Variants in PTPRD observed in about 807,000 individuals in gnomAD.
PTPRD encodes receptor-type tyrosine-protein phosphatase delta.
In PTPRD, 34 loss-of-function variants were observed where a neutral mutation model predicts 214.5. The observed-to-expected ratio is 0.16, with a 90% confidence interval of 0.12 to 0.21. PTPRD has a LOEUF of 0.21. Among genes scored for constraint, PTPRD ranks in the 10% least tolerant of loss-of-function variants. The probability of loss-of-function intolerance (pLI) is 1.00; values close to 1 mark genes in which losing one functional copy is unlikely to be tolerated. For synonymous variants in PTPRD, 1,128 were observed against 845.7 expected, an observed-to-expected ratio of 1.33 and a Z score of -5.79; for missense variants, 2,545 against 2,398.7, an observed-to-expected ratio of 1.06 and a Z score of -1.27.
rs202022277 is a variant in PTPRD, at chr9:8,873,516, AT to A, written c.-103-139571del. ...TCAATTATAAATATGTGTTAACTTT[AT>A]TTTTTTTTAACCAAGTTCCCTAAGA... On this transcript the variant is annotated intron_variant, in intron 11 of 45. Transcript: ENST00000381196. Among the ~76,000 whole-genome samples the A allele has an allele frequency of 7.2e-3, 1,090 of 151,420 alleles. 12 individuals are homozygous for A. Among genetic ancestry groups the A allele is most frequent in the African/African-American group, 0.024 (1,012 of 41,330 alleles).
At chr9:8,557,003 TC>T (rs1252602735) in intron 14 of PTPRD, among the ~76,000 whole-genome samples, 1 of 152,190 alleles carries the variant, frequency 6.6e-6, no homozygotes, top group African/African-American at 2.4e-5. Context: ...ATTGGTTGTT[TC>T]ATATCAGCAC....
At position 9,515,780 on chromosome 9, in the gene PTPRD, G is replaced by C. The variant is rs1356388664; in HGVS notation, c.-237+58952C>G. On this transcript the variant is annotated intron_variant, in intron 8 of 45. Coordinates refer to ENST00000381196, the MANE Select transcript of PTPRD (RefSeq NM_002839.4). ...AAAAAGTTTGATGTTCTTAAGTATG[G>C]TGAGATAAAGGTGACTTTTTTCCTT... 3.9e-5 allele frequency among the ~76,000 whole-genome samples: 6 copies of C among 151,972 alleles called. 1 individual carries two copies. Among genetic ancestry groups the C allele is most frequent in the Non-Finnish European group, 8.8e-5 (6 of 67,964 alleles).
intron 9 of PTPRD, among the ~76,000 whole-genome samples, chr9:9,367,525 T>C (rs2058207569): frequency 1.3e-5 from 2 of 151,628 alleles, no homozygotes; most frequent in South Asian, 4.1e-4. Context: ...TTTGGATGTT[T>C]TTCCAGGTAC....
chr9:8,408,121 G>A (rs1043778247), intron 35 of PTPRD, among the ~76,000 whole-genome samples: 1 of 152,142 alleles, frequency 6.6e-6, no homozygotes, highest in Non-Finnish European at 1.5e-5. Flanking sequence ...TCTTAAGGAA[G>A]AGTGAGATGG....
rs140301738 is a variant in PTPRD, at chr9:9,771,342, A to T, written c.-367-4491T>A. Among the ~76,000 whole-genome samples the T allele has an allele frequency of 3.5e-4, 54 of 152,314 alleles. 1 individual carries two copies. The highest frequency in any genetic ancestry group is 3.5e-3 in the Admixed American group (53 of 15,306). On this transcript the variant is annotated intron_variant, in intron 5 of 45. Transcript: ENST00000381196. ...TATATATAAGCTGCATTTAAAAAAC[A>T]TATTTCCAAACCTAATTCATATTCT...
intron 12 of PTPRD, among the ~76,000 whole-genome samples, chr9:8,637,985 G>A (rs543857830): frequency 2.6e-5 from 4 of 152,142 alleles, no homozygotes; most frequent in South Asian, 2.1e-4. Context: ...ATGGTGTTCA[G>A]GAGGAGGCAT....
At chr9:9,384,606 G>A (rs1433938768) in intron 9 of PTPRD, among the ~76,000 whole-genome samples, 1 of 151,622 alleles carries the variant, frequency 6.6e-6, no homozygotes, top group South Asian at 2.1e-4. Context: ...TAAATAAGGA[G>A]ATTCCTTGAC....
At chr9:8,707,163 T>G (rs2098227438) in intron 12 of PTPRD, among the ~76,000 whole-genome samples, 3 of 152,212 alleles carry the variant, frequency 2.0e-5, no homozygotes. Context: ...TATGTCTTTG[T>G]TGCAGCAATA....
intron 11 of PTPRD, among the ~76,000 whole-genome samples, chr9:8,925,533 C>A (rs28417601): frequency 0.38 from 57,101 of 149,166 alleles, 12,526 homozygotes; most frequent in African/African-American, 0.59. Flanking sequence ...ACAAAAAAAA[C>A]CAACTACAAG....
chr9:9,824,926 G>C (rs1008432474), intron 5 of PTPRD, among the ~76,000 whole-genome samples: 2 of 151,942 alleles, frequency 1.3e-5, no homozygotes, highest in Non-Finnish European at 2.9e-5. Flanking sequence ...TATAAAGTGG[G>C]CTCTGGTACC....
chr9:10,091,531 T>C (rs1282744493), intron 3 of PTPRD, among the ~76,000 whole-genome samples: 1 of 151,564 alleles, frequency 6.6e-6, no homozygotes, highest in Non-Finnish European at 1.5e-5. Context: ...TAAATATTTG[T>C]TCCTTTGGAT....
intron 3 of PTPRD, among the ~76,000 whole-genome samples, chr9:10,330,066 GCT>G (rs1491329841): frequency 1.3e-5 from 2 of 151,586 alleles, no homozygotes; most frequent in African/African-American, 4.8e-5. Context: ...TGAAAATTGT[GCT>G]TTTTTTATTT....
At chr9:9,069,264 T>C (rs2099740312) in intron 10 of PTPRD, among the ~76,000 whole-genome samples, 1 of 152,168 alleles carries the variant, frequency 6.6e-6, no homozygotes, top group Non-Finnish European at 1.5e-5. Flanking sequence ...AAAAGTATCT[T>C]TATTTATAAG....
intron 2 of PTPRD, among the ~76,000 whole-genome samples, chr9:10,535,987 G>A (rs1458758660): frequency 1.3e-5 from 2 of 152,082 alleles, no homozygotes; most frequent in Admixed American, 1.3e-4. Context: ...AGTATTTGGG[G>A]AAATAATAAC....
chr9:10,261,094 TATAG>T (rs1468591104), intron 3 of PTPRD, among the ~76,000 whole-genome samples: 2 of 141,718 alleles, frequency 1.4e-5, no homozygotes, highest in Non-Finnish European at 3.0e-5. Context: ...TATATATATA[TATAG>T]AGAGAGAGTC....
chr9:9,005,079 C>G (rs530612263), intron 11 of PTPRD, among the ~76,000 whole-genome samples: 4 of 151,990 alleles, frequency 2.6e-5, no homozygotes, highest in African/African-American at 9.7e-5. Flanking sequence ...TTTGAATGGA[C>G]CTTCAGGGGA....
intron 3 of PTPRD, among the ~76,000 whole-genome samples, chr9:10,210,819 A>ATATATATGTATGTATG (rs1554858769): frequency 1.4e-5 from 1 of 70,182 alleles, no homozygotes; most frequent in African/African-American, 8.0e-5. Flanking sequence ...ATATATATAT[A>ATATATATGTATGTATG]TATGTATGTA....
chr9:8,763,505 T>C (rs1252160787), intron 11 of PTPRD, among the ~76,000 whole-genome samples: 1 of 151,870 alleles, frequency 6.6e-6, no homozygotes. Flanking sequence ...AGAGTGAGAC[T>C]TGGTCTCAAA....
At chr9:10,191,394 A>G (rs532601406) in intron 3 of PTPRD, among the ~76,000 whole-genome samples, 3 of 152,264 alleles carry the variant, frequency 2.0e-5, no homozygotes, top group African/African-American at 7.2e-5. Context: ...AGCTACTACT[A>G]ATAATATAGA....
Sources: allele counts gnomAD v4.1 joint callset (sites outside exome capture counted in the v4.1 genomes callset), GRCh38; gene constraint gnomAD v4.1.1; transcripts MANE v1.5; gene names NCBI Gene and HGNC (gene_info 2026-07-23, HGNC 2026-07-21).